The following TATDN3 variants were observed in gnomAD, a reference collection of about 807,000 sequenced individuals.
TATDN3 encodes the protein TatD DNase domain containing 3.
TATDN3 carries 29 observed loss-of-function variants against 40.1 expected under a neutral mutation model. That is an observed-to-expected ratio of 0.72 (90% CI 0.54 to 0.99). The LOEUF (loss-of-function observed/expected upper bound fraction) is 0.99. Among genes scored for constraint, TATDN3 ranks in the 50% least tolerant of loss-of-function variants. The pLI is 0.00. For synonymous variants in TATDN3, 105 were observed against 117.0 expected, an observed-to-expected ratio of 0.90 and a Z score of 0.66; for missense variants, 309 against 321.9, an observed-to-expected ratio of 0.96 and a Z score of 0.31.
rs185591862 is a variant in TATDN3, at chr1:212,806,914, A to G, written c.488-822A>G. On this transcript the variant is annotated intron_variant, in intron 7 of 9. Transcript: ENST00000366974. ...CACATATATACATATGTATATACAC[A>G]TATATACATATATATATATTTATTT... Among the ~76,000 whole-genome samples, 1,120 of 143,150 alleles carry G rather than the reference A, an allele frequency of 7.8e-3. 19 individuals carry two copies. Among genetic ancestry groups the G allele is most frequent in the Middle Eastern group, 0.018 (5 of 276 alleles). 93.9% of individuals were successfully genotyped at this position (143,150 alleles called of 152,430 possible).
chr1:212,805,099 T>C (rs1571963440), intron 7 of TATDN3, among the ~76,000 whole-genome samples: 1 of 151,750 alleles, frequency 6.6e-6, no homozygotes, highest in Admixed American at 6.6e-5. Context: ...GTAGCTGAGA[T>C]TACAGGCACC....
At chr1:212,799,224 G>T (rs1662017078) in intron 4 of TATDN3, among the ~76,000 whole-genome samples, 1 of 152,172 alleles carries the variant, frequency 6.6e-6, no homozygotes, top group Admixed American at 6.5e-5. Flanking sequence ...TAGTTTACAT[G>T]CAGTGGAGGG....
At chr1:212,811,355 A>G (rs1423116664) in intron 8 of TATDN3, among the ~76,000 whole-genome samples, 2 of 151,978 alleles carry the variant, frequency 1.3e-5, no homozygotes, top group East Asian at 3.9e-4. Flanking sequence ...CTGGTCTCGA[A>G]CTTCCAATCT....
At chr1:212,807,642 T>G in intron 7 of TATDN3, 94 bp from the exon 8 acceptor site, 1 of 879,798 alleles carries the variant, frequency 1.1e-6, no homozygotes, top group Admixed American at 2.6e-5. Context: ...TATATCCTAG[T>G]GACCAACATT....
intron 2 of TATDN3, 75 bp downstream of exon 2, chr1:212,795,202 T>C: frequency 1.0e-6 from 1 of 1,001,342 alleles, no homozygotes; most frequent in Middle Eastern, 2.8e-4. Flanking sequence ...GCTTGAAATT[T>C]AGATATACTA....
At chr1:212,811,850 C>T (rs1405336891) in intron 8 of TATDN3, among the ~76,000 whole-genome samples, 1 of 151,818 alleles carries the variant, frequency 6.6e-6, no homozygotes, top group Non-Finnish European at 1.5e-5. Context: ...TTACAGGTGC[C>T]TGCCACCATG....
At chr1:212,802,873 T>G in intron 5 of TATDN3, 110 bp downstream of exon 5, 1 of 687,502 alleles carries the variant, frequency 1.5e-6, no homozygotes, top group East Asian at 2.7e-5. Context: ...TATAATTATG[T>G]TCACCCCACT....
At position 212,792,632 on chromosome 1, in the gene TATDN3, C is replaced by CAAAAAAA. The variant is rs752952752; in HGVS notation, c.66+660_66+666dup. Among the ~76,000 whole-genome samples, 169 of 75,084 alleles carry CAAAAAAA rather than the reference C, an allele frequency of 2.3e-3. 1 individual carries two copies. Among genetic ancestry groups the CAAAAAAA allele is most frequent in the African/African-American group, 0.011 (161 of 14,966 alleles). The allele number at this position is 75,084 out of a possible 152,430, so 49.3% of individuals were successfully genotyped here. On this transcript the variant is annotated intron_variant, in intron 1 of 9. Coordinates refer to ENST00000366974, the MANE Select transcript of TATDN3 (RefSeq NM_001042552.3). ...CCTGGGTAACAGTGAGACCCTGTCT[C>CAAAAAAA]AAAAAAAAAAAAAAAAAAAAATTCA...
rs1049482184 is a variant in TATDN3, at chr1:212,816,650, A to G, written c.*1494A>G. 2 of 152,234 alleles carry G rather than the reference A, an allele frequency of 1.3e-5. No homozygotes were observed. Among genetic ancestry groups the G allele is most frequent in the Non-Finnish European group, 2.9e-5 (2 of 68,038 alleles). 9.4% of individuals were successfully genotyped at this position (152,234 alleles called of 1,614,324 possible). The stretch of plus-strand genomic sequence containing the variant: ...GATTTTATGAAATGATCTTCAATAA[A>G]TATTTTGAAATGAATTCATTTATGG... On this transcript the variant is annotated 3_prime_UTR_variant, in exon 10 of 10. Transcript: ENST00000366974.
intron 8 of TATDN3, among the ~76,000 whole-genome samples, chr1:212,808,312 C>CAAA (rs34100841): frequency 1.8e-5 from 2 of 111,448 alleles, no homozygotes; most frequent in Non-Finnish European, 3.5e-5. Context: ...AACTCCATCT[C>CAAA]AAAAAAAAAA....
chr1:212,814,712 G>A (rs1396490599), intron 9 of TATDN3, among the ~76,000 whole-genome samples: 1 of 152,142 alleles, frequency 6.6e-6, no homozygotes, highest in Non-Finnish European at 1.5e-5. Flanking sequence ...CAAACCAAAG[G>A]ACAATTAATC....
At chr1:212,795,149 C>G in intron 2 of TATDN3, 22 bp downstream of exon 2, 1 of 1,602,882 alleles carries the variant, frequency 6.2e-7, no homozygotes, top group South Asian at 1.1e-5. Flanking sequence ...TTTGTAATTG[C>G]TCTTTTGGTT....
rs944979628 is a variant in TATDN3 at position 212,804,666 on chromosome 1, G to A, written c.487+15G>A. 6.2e-7 allele frequency: 1 copy of A among 1,608,122 alleles called. No individual in the cohort carries two copies. The highest frequency in any genetic ancestry group is 8.5e-7 in the Non-Finnish European group (1 of 1,176,610). ...ACAAGAGCAAGGTATTTCGTTTCCT[G>A]AGAAAAATAGGCCTAATGTTCAAGT... On this transcript the variant is annotated intron_variant, in intron 7 of 9. Coordinates refer to ENST00000366974, the MANE Select transcript of TATDN3 (RefSeq NM_001042552.3).
intron 1 of TATDN3, chr1:212,792,858 T>C (rs1211553049): frequency 6.6e-6 from 1 of 152,056 alleles, no homozygotes; most frequent in Non-Finnish European, 1.5e-5. Context: ...CAAACTGTTT[T>C]ACCCATTACG....
chr1:212,810,368 C>T (rs1011361751), intron 8 of TATDN3, among the ~76,000 whole-genome samples: 132 of 151,688 alleles, frequency 8.7e-4, no homozygotes, highest in Non-Finnish European at 1.7e-3. Context: ...AAAAATTAGC[C>T]GGGCATGGTG....
At chr1:212,806,801 T>A (rs11801231) in intron 7 of TATDN3, among the ~76,000 whole-genome samples, 1 of 97,542 alleles carries the variant, frequency 1.0e-5, no homozygotes, top group South Asian at 3.4e-4. Flanking sequence ...CACACACACA[T>A]ATATACACAT....
chr1:212,806,765 T>TATAA (rs1553257515), intron 7 of TATDN3, among the ~76,000 whole-genome samples: 1 of 114,264 alleles, frequency 8.8e-6, no homozygotes, highest in Middle Eastern at 4.1e-3. Flanking sequence ...TATATATATA[T>TATAA]ATATATATAT....
Position 212,812,247 on chromosome 1 carries a change from G to A in TATDN3, c.601-1G>A, listed in dbSNP as rs763922719. Reference sequence around the variant, plus strand: ...CTTAGCTGCTTTCTCTTTTCTCTAAGAAGCAGAAACTTGTGAAACAATTGC... The same window carrying A: ...CTTAGCTGCTTTCTCTTTTCTCTAAAAAGCAGAAACTTGTGAAACAATTGC... On this transcript the variant is annotated splice_acceptor_variant, in intron 8 of 9. Transcript: ENST00000366974. LOFTEE classifies it high-confidence loss of function. 9.6e-6 allele frequency: 15 copies of A among 1,565,444 alleles called. No individual in the cohort carries two copies. The highest frequency in any genetic ancestry group is 2.1e-5 in the Admixed American group (1 of 47,544).
At chr1:212,796,684 T>G in intron 3 of TATDN3, 94 bp downstream of exon 3, 2 of 922,032 alleles carry the variant, frequency 2.2e-6, no homozygotes, top group Non-Finnish European at 1.6e-6. Context: ...TTAAAGAGAA[T>G]AAAGAGGAAA....
Sources: allele counts gnomAD v4.1 joint callset (sites outside exome capture counted in the v4.1 genomes callset), GRCh38; gene constraint gnomAD v4.1.1; transcripts MANE v1.5; gene names NCBI Gene and HGNC (gene_info 2026-07-23, HGNC 2026-07-21).